Variants in POLQ observed in about 807,000 individuals in gnomAD.
POLQ encodes DNA polymerase theta.
Under a neutral mutation model 259.2 loss-of-function variants are expected in POLQ, and 233 were observed. The observed-to-expected ratio is 0.90, with a 90% confidence interval of 0.81 to 1.00. The LOEUF is 1.00. POLQ is among the 50% of genes least tolerant of loss of function. The pLI is 0.00. For missense variants in POLQ, 2,871 were observed against 3,051.6 expected (o/e 0.94, Z 1.39); for synonymous variants, 1,025 against 1,048.8 (o/e 0.98, Z 0.44).
chr3:121,542,351 T>C (rs758726545), intron 2 of POLQ, among the ~76,000 whole-genome samples: 6 of 151,892 alleles, frequency 4.0e-5, no homozygotes, highest in Non-Finnish European at 5.9e-5. Flanking sequence ...AGTCACGCCA[T>C]TGCACTCTAG....
chr3:121,434,326 A>G (rs1274543912), intron 28 of POLQ, among the ~76,000 whole-genome samples: 2 of 152,228 alleles, frequency 1.3e-5, no homozygotes, highest in Non-Finnish European at 2.9e-5. Flanking sequence ...TCTTAAAGTC[A>G]TTACTGTCTG....
At chr3:121,433,159 A>T (rs1056955263) in intron 28 of POLQ, 126 bp from the exon 29 acceptor site, 2 of 644,982 alleles carry the variant, frequency 3.1e-6, no homozygotes, top group African/African-American at 3.7e-5. Flanking sequence ...AATAAGAACT[A>T]TCAGGAAAAT....
chr3:121,536,470 C>T (rs1029518790), intron 5 of POLQ, among the ~76,000 whole-genome samples: 3 of 151,376 alleles, frequency 2.0e-5, no homozygotes, highest in Non-Finnish European at 4.4e-5. Context: ...GAAGTGAGGG[C>T]TAAAAAAATA....
intron 7 of POLQ, among the ~76,000 whole-genome samples, chr3:121,524,442 T>C (rs2048358816): frequency 6.6e-6 from 1 of 152,046 alleles, no homozygotes; most frequent in African/African-American, 2.4e-5. Context: ...CACCACAGAC[T>C]AGTAAAAATA....
At position 121,490,377 on chromosome 3, in the gene POLQ, C is replaced by T. The variant is rs1262936015; in HGVS notation, c.2554G>A (p.Ala852Thr). The change falls in exon 16 of 30, where the codon GCA becomes ACA. Residue 852 changes from alanine (A) to threonine (T), a missense_variant. Transcript: ENST00000264233. ...CGCATATTGCGACGTTCTTCAACTGCTTCCTCTTCCTCATCCACTGCCTTC... is the reference window on the plus strand; with the variant it reads ...CGCATATTGCGACGTTCTTCAACTGTTTCCTCTTCCTCATCCACTGCCTTC... ...ARKAVDEEEE[A>T]VEERRNMRTI... 2 of 1,614,200 alleles carry T rather than the reference C, an allele frequency of 1.2e-6. No individual in the cohort carries two copies. Among genetic ancestry groups the T allele is most frequent in the Non-Finnish European group, 1.7e-6 (2 of 1,180,012 alleles).
chr3:121,472,643 C>A (rs1553806114), intron 21 of POLQ, among the ~76,000 whole-genome samples: 1 of 152,172 alleles, frequency 6.6e-6, no homozygotes, highest in East Asian at 1.9e-4. Flanking sequence ...TATTAAGGAA[C>A]AGAAACTTGT....
rs1349995761 is a variant in POLQ, at chr3:121,496,948, C to A, written c.2154-16G>T. 3 of 1,610,970 alleles carry A rather than the reference C, an allele frequency of 1.9e-6. No homozygotes were observed. The highest frequency in any genetic ancestry group is 2.5e-6 in the Non-Finnish European group (3 of 1,179,292). ...GGTGAAAAACCTGGGAATAAATCATCAAAAGCGTGGTAAGAGATCCTTCAC... is the reference window on the plus strand; with the variant it reads ...GGTGAAAAACCTGGGAATAAATCATAAAAAGCGTGGTAAGAGATCCTTCAC... On this transcript the variant is annotated splice_polypyrimidine_tract_variant and intron_variant, in intron 13 of 29. Transcript: ENST00000264233.
In POLQ at chr3:121,511,880, C is replaced by T; in HGVS notation, c.1611+7G>A. Reference sequence around the variant, plus strand: ...AGCAAATGGTAATTTAGTAAATTCTCTCTTACCTCCAGAATAGCTCGTATC... The same window carrying T: ...AGCAAATGGTAATTTAGTAAATTCTTTCTTACCTCCAGAATAGCTCGTATC... On this transcript the variant is annotated splice_region_variant and intron_variant, in intron 10 of 29. Coordinates refer to ENST00000264233, the MANE Select transcript of POLQ (RefSeq NM_199420.4). 6.2e-7 allele frequency: 1 copy of T among 1,600,360 alleles called. No individual in the cohort carries two copies.
chr3:121,516,802 T>C (rs1353212578), intron 9 of POLQ, among the ~76,000 whole-genome samples: 1 of 152,232 alleles, frequency 6.6e-6, no homozygotes, highest in East Asian at 1.9e-4. Context: ...TAAGTCTCCA[T>C]AGTGAATATA....
At chr3:121,492,285 C>A (rs1192144775) in intron 15 of POLQ, among the ~76,000 whole-genome samples, 1 of 151,998 alleles carries the variant, frequency 6.6e-6, no homozygotes, top group Non-Finnish European at 1.5e-5. Context: ...AACTAAATAC[C>A]TATAGAATCT....
chr3:121,436,973 A>G (rs1292871537), intron 27 of POLQ, among the ~76,000 whole-genome samples: 3 of 152,084 alleles, frequency 2.0e-5, no homozygotes, highest in African/African-American at 7.2e-5. Context: ...CTATATATGA[A>G]TATCATTCCC....
chr3:121,433,666 T>C (rs370577011), intron 28 of POLQ, among the ~76,000 whole-genome samples: 2 of 152,242 alleles, frequency 1.3e-5, no homozygotes, highest in East Asian at 3.8e-4. Flanking sequence ...CTCCAAAATA[T>C]ATACTAGACT....
chr3:121,472,406 T>A (rs2047891074), intron 21 of POLQ, among the ~76,000 whole-genome samples: 1 of 152,166 alleles, frequency 6.6e-6, no homozygotes, highest in South Asian at 2.1e-4. Context: ...AAAAAATAAA[T>A]GAATTGTCAG....
intron 15 of POLQ, 72 bp downstream of exon 15, chr3:121,493,397 CTTTAATACA>C: frequency 9.4e-7 from 1 of 1,063,736 alleles, no homozygotes; most frequent in Non-Finnish European, 1.3e-6. Flanking sequence ...AGAAAAATAA[CTTTAATACA>C]TTATCTATTA....
At chr3:121,437,332 T>C (rs2047552088) in intron 27 of POLQ, among the ~76,000 whole-genome samples, 1 of 152,030 alleles carries the variant, frequency 6.6e-6, no homozygotes. Flanking sequence ...TCCTACAAAT[T>C]GATAAGAAAA....
intron 13 of POLQ, among the ~76,000 whole-genome samples, chr3:121,497,366 A>G (rs900935159): frequency 6.6e-6 from 1 of 152,238 alleles, no homozygotes; most frequent in Non-Finnish European, 1.5e-5. Context: ...AAATCCAAGT[A>G]TATAAAATTT....
rs1216668975 is a variant in POLQ, at chr3:121,487,758, C to A, written c.5173G>T (p.Glu1725Ter). ...CCATTATCATCAACTATATTACTTT[C>A]TTTACGAGGTAAGAGGGATGAGGTT... is the stretch of plus-strand genomic sequence containing the variant. ...DETSSLLPRK[E>*]SNIVDDNGLI... is the part of the protein sequence containing the mutation. The change falls in exon 16 of 30, where the codon GAA becomes TAA. Residue 1725 changes from glutamate to a stop codon, truncating the protein, a stop_gained. Coordinates refer to ENST00000264233, the MANE Select transcript of POLQ (RefSeq NM_199420.4). LOFTEE classifies it high-confidence loss of function. The A allele has an allele frequency of 6.2e-7, 1 of 1,612,918 alleles. No homozygotes were observed. The highest frequency in any genetic ancestry group is 8.5e-7 in the Non-Finnish European group (1 of 1,179,376).
At chr3:121,539,008 C>T (rs1251603251) in intron 4 of POLQ, among the ~76,000 whole-genome samples, 1 of 152,184 alleles carries the variant, frequency 6.6e-6, no homozygotes, top group Non-Finnish European at 1.5e-5. Flanking sequence ...TCTTTAGCTT[C>T]CTACCATTTC....
rs867719528 is a variant in POLQ, at chr3:121,455,443, A to G, written c.7152+4607T>C. ...CCTTCAAAAAATTAATGAATCCAGGAGCTGGTTTTTTGAAAGGATCAACAA... is the reference window on the plus strand; with the variant it reads ...CCTTCAAAAAATTAATGAATCCAGGGGCTGGTTTTTTGAAAGGATCAACAA... On this transcript the variant is annotated intron_variant, in intron 25 of 29. Transcript: ENST00000264233. Among the ~76,000 whole-genome samples the G allele has an allele frequency of 4.0e-5, 6 of 150,582 alleles. No individual in the cohort carries two copies. The South Asian group carries it at 1.3e-3, about 32-fold the overall frequency.
Sources: gnomAD v4.1 joint callset for allele counts (sites outside exome capture counted in the v4.1 genomes callset) on GRCh38, gnomAD v4.1.1 for gene constraint, MANE v1.5 for transcripts, NCBI Gene and HGNC (gene_info 2026-07-23, HGNC 2026-07-21) for gene names.